GRIA1: variants seen among roughly 807,000 people sequenced by gnomAD.
GRIA1 encodes the protein glutamate receptor 1.
Under a neutral mutation model 99.2 loss-of-function variants are expected in GRIA1, and 31 were observed. That is an observed-to-expected ratio of 0.31 (90% CI 0.23 to 0.42). GRIA1 has a LOEUF of 0.42. GRIA1 is among the 10% of genes least tolerant of loss of function. The probability of loss-of-function intolerance (pLI) is 1.00; values close to 1 mark genes in which losing one functional copy is unlikely to be tolerated. For synonymous variants in GRIA1, 438 were observed against 432.4 expected (o/e 1.01, Z -0.16); for missense variants, 782 against 1,157.5 (o/e 0.68, Z 4.71).
chr5:153,700,443 A>G (rs1416253826), intron 10 of GRIA1, among the ~76,000 whole-genome samples: 7 of 152,216 alleles, frequency 4.6e-5, no homozygotes, highest in Non-Finnish European at 1.0e-4. Flanking sequence ...TTAAAGTATA[A>G]ACAATAGGAT....
chr5:153,573,512 G>A (rs937211), intron 2 of GRIA1, among the ~76,000 whole-genome samples: 1 of 152,090 alleles, frequency 6.6e-6, no homozygotes, highest in Non-Finnish European at 1.5e-5. Context: ...TCATCATTTT[G>A]ATATGTGGAA....
At chr5:153,625,958 GA>G (rs1461182399) in intron 2 of GRIA1, among the ~76,000 whole-genome samples, 2 of 152,168 alleles carry the variant, frequency 1.3e-5, no homozygotes, top group African/African-American at 4.8e-5. Flanking sequence ...AAAGCTTAGC[GA>G]TCTGGTGCCT....
At chr5:153,757,086 G>A (rs1253566022) in intron 11 of GRIA1, among the ~76,000 whole-genome samples, 2 of 152,130 alleles carry the variant, frequency 1.3e-5, no homozygotes, top group Admixed American at 6.5e-5. Flanking sequence ...AAAAAATTCA[G>A]CAATTTAACA....
intron 2 of GRIA1, among the ~76,000 whole-genome samples, chr5:153,644,621 A>G (rs186690742): frequency 1.2e-3 from 179 of 152,302 alleles, no homozygotes; most frequent in African/African-American, 4.1e-3. Context: ...ACAAATAAAC[A>G]AAGAAAATTA....
intron 2 of GRIA1, among the ~76,000 whole-genome samples, chr5:153,523,519 T>TTA (rs199610898): frequency 1.5e-3 from 227 of 151,922 alleles, no homozygotes; most frequent in African/African-American, 5.1e-3. Context: ...ACATTTTTTT[T>TTA]TTTATTTATG....
chr5:153,635,398 C>G (rs1018282655), intron 2 of GRIA1, among the ~76,000 whole-genome samples: 1 of 152,238 alleles, frequency 6.6e-6, no homozygotes, highest in Non-Finnish European at 1.5e-5. Flanking sequence ...CAACCCACTT[C>G]TCTTTGGCTA....
At chr5:153,615,752 A>T (rs1177206627) in intron 2 of GRIA1, among the ~76,000 whole-genome samples, 1 of 152,154 alleles carries the variant, frequency 6.6e-6, no homozygotes, top group African/African-American at 2.4e-5. Flanking sequence ...GGTCATCTTT[A>T]TACTCGTAAC....
At chr5:153,779,798 G>A (rs1764514110) in intron 13 of GRIA1, among the ~76,000 whole-genome samples, 1 of 152,152 alleles carries the variant, frequency 6.6e-6, no homozygotes, top group Admixed American at 6.6e-5. Flanking sequence ...CTGACTTCAT[G>A]ATCCATCCGC....
chr5:153,491,389 A>G (rs1753904729), intron 1 of GRIA1: 1 of 739,622 alleles, frequency 1.4e-6, no homozygotes, highest in South Asian at 5.7e-5. Flanking sequence ...ACATATGCAC[A>G]TATATATGTA....
chr5:153,656,602 G>T (rs1422899), intron 5 of GRIA1, among the ~76,000 whole-genome samples: 11 of 151,292 alleles, frequency 7.3e-5, no homozygotes, highest in African/African-American at 2.4e-4. Flanking sequence ...TGTACCTCCA[G>T]CTTTTTTGTC....
At chr5:153,622,305 C>A (rs533937842) in intron 2 of GRIA1, among the ~76,000 whole-genome samples, 2 of 152,142 alleles carry the variant, frequency 1.3e-5, no homozygotes, top group Non-Finnish European at 2.9e-5. Flanking sequence ...TAAGGAAAAT[C>A]GTGGGGCCCC....
intron 15 of GRIA1, among the ~76,000 whole-genome samples, chr5:153,804,479 T>G (rs934046502): frequency 1.3e-5 from 2 of 152,164 alleles, no homozygotes; most frequent in African/African-American, 4.8e-5. Flanking sequence ...CTAGGGGAGC[T>G]ACAACCTGTA....
At chr5:153,752,779 TG>T (rs1418449855) in intron 11 of GRIA1, among the ~76,000 whole-genome samples, 1 of 152,200 alleles carries the variant, frequency 6.6e-6, no homozygotes, top group African/African-American at 2.4e-5. Flanking sequence ...CACTAATCTA[TG>T]TAATGCTATG....
At chr5:153,511,646 G>A (rs1181934734) in intron 2 of GRIA1, among the ~76,000 whole-genome samples, 1 of 152,146 alleles carries the variant, frequency 6.6e-6, no homozygotes, top group East Asian at 1.9e-4. Flanking sequence ...TTTTACATAT[G>A]GTGAAACTAA....
At chr5:153,704,879 A>G (rs1758781706) in intron 10 of GRIA1, among the ~76,000 whole-genome samples, 1 of 152,158 alleles carries the variant, frequency 6.6e-6, no homozygotes, top group Non-Finnish European at 1.5e-5. Flanking sequence ...GTGTGTTTCA[A>G]TGTCTCCTAA....
intron 2 of GRIA1, among the ~76,000 whole-genome samples, chr5:153,640,088 C>T (rs1307850957): frequency 1.3e-5 from 2 of 152,196 alleles, no homozygotes; most frequent in East Asian, 3.9e-4. Context: ...TTTGCCCTGG[C>T]CCCCTGCCCT....
chr5:153,539,864 T>C (rs1361778164), intron 2 of GRIA1, among the ~76,000 whole-genome samples: 1 of 152,220 alleles, frequency 6.6e-6, no homozygotes, highest in East Asian at 1.9e-4. Flanking sequence ...TGAATAGGAA[T>C]CAAGAGGTCT....
At chr5:153,620,461 C>A (rs1766931333) in intron 2 of GRIA1, among the ~76,000 whole-genome samples, 1 of 152,114 alleles carries the variant, frequency 6.6e-6, no homozygotes, top group Admixed American at 6.6e-5. Context: ...GAGCCTATAG[C>A]CTCTGGTCAG....
intron 2 of GRIA1, among the ~76,000 whole-genome samples, chr5:153,610,313 A>G (rs1286694057): frequency 6.6e-6 from 1 of 152,192 alleles, no homozygotes; most frequent in Non-Finnish European, 1.5e-5. Flanking sequence ...ACCACAGAAA[A>G]TGAGGTAGGA....
Sources: gnomAD v4.1 joint callset for allele counts (sites outside exome capture counted in the v4.1 genomes callset) on GRCh38, gnomAD v4.1.1 for gene constraint, MANE v1.5 for transcripts, NCBI Gene and HGNC (gene_info 2026-07-23, HGNC 2026-07-21) for gene names.